SENP6: variants seen among roughly 807,000 people sequenced by gnomAD.
SENP6 encodes the protein SUMO specific peptidase 6.
SENP6 carries 41 observed loss-of-function variants against 134.5 expected under a neutral mutation model. That is an observed-to-expected ratio of 0.30 (90% CI 0.24 to 0.40). The LOEUF (loss-of-function observed/expected upper bound fraction) is 0.40. Ranked by LOEUF, SENP6 falls within the 10% of genes least tolerant of loss-of-function variation. The pLI is 1.00. For missense variants in SENP6, 1,248 were observed against 1,312.5 expected, an observed-to-expected ratio of 0.95 and a Z score of 0.76; for synonymous variants, 395 against 429.8, an observed-to-expected ratio of 0.92 and a Z score of 1.00.
At chr6:75,700,412 G>C (rs992182446) in intron 18 of SENP6, among the ~76,000 whole-genome samples, 1 of 152,234 alleles carries the variant, frequency 6.6e-6, no homozygotes, top group African/African-American at 2.4e-5. Context: ...GCATAGCTAA[G>C]AAATATTAAG....
intron 2 of SENP6, 74 bp downstream of exon 2, chr6:75,621,699 G>A: frequency 7.9e-6 from 7 of 880,994 alleles, no homozygotes; most frequent in South Asian, 4.9e-5. Flanking sequence ...TCTATTGTAT[G>A]GAAATATTTT....
At chr6:75,652,698 A>AAAAAAAAAAAAAAAAAAAAAAAAAAG (rs1554166656) in intron 7 of SENP6, among the ~76,000 whole-genome samples, 7 of 148,620 alleles carry the variant, frequency 4.7e-5, no homozygotes, top group African/African-American at 1.8e-4. Context: ...AAAAAAAAAA[A>AAAAAAAAAAAAAAAAAAAAAAAAAAG]AAAAAGAAAA....
chr6:75,710,759 C>A (rs1398077350), intron 20 of SENP6, among the ~76,000 whole-genome samples: 1 of 152,032 alleles, frequency 6.6e-6, no homozygotes. Context: ...TCTCAAAGAA[C>A]AACAATGACC....
At chr6:75,668,656 T>G (rs1772434645) in intron 10 of SENP6, among the ~76,000 whole-genome samples, 1 of 152,242 alleles carries the variant, frequency 6.6e-6, no homozygotes, top group Non-Finnish European at 1.5e-5. Flanking sequence ...GAGGGCAGTT[T>G]GGCAGTAATT....
chr6:75,655,184 A>T (rs1771214720), intron 7 of SENP6: 1 of 152,236 alleles, frequency 6.6e-6, no homozygotes, highest in Non-Finnish European at 1.5e-5. Flanking sequence ...TTTGGAAGGG[A>T]TGCGCATGGA....
At chr6:75,605,690 G>C (rs944657104) in intron 1 of SENP6, among the ~76,000 whole-genome samples, 2 of 152,136 alleles carry the variant, frequency 1.3e-5, no homozygotes, top group African/African-American at 4.8e-5. Flanking sequence ...TGAGAGGCAG[G>C]AGATCTTTCA....
At chr6:75,710,104 A>G (rs759393039) in intron 20 of SENP6, among the ~76,000 whole-genome samples, 2 of 152,174 alleles carry the variant, frequency 1.3e-5, no homozygotes, top group Non-Finnish European at 2.9e-5. Context: ...CTGACTTGAC[A>G]TTCAAGAAGC....
chr6:75,646,207 C>T (rs147488158), intron 6 of SENP6, among the ~76,000 whole-genome samples: 752 of 152,256 alleles, frequency 4.9e-3, no homozygotes, highest in Non-Finnish European at 8.0e-3. Flanking sequence ...TAAAAACCTA[C>T]CTTCTTTCTT....
chr6:75,674,105 T>C (rs1048573999), intron 11 of SENP6, among the ~76,000 whole-genome samples: 1 of 151,390 alleles, frequency 6.6e-6, no homozygotes, highest in African/African-American at 2.4e-5. Flanking sequence ...AAACATATAA[T>C]GTCAACATCC....
chr6:75,621,520 T>A lies in SENP6; in HGVS notation c.53-12T>A, dbSNP rs756279620. On this transcript the variant is annotated splice_polypyrimidine_tract_variant and intron_variant, in intron 1 of 23. Coordinates refer to ENST00000447266, the MANE Select transcript of SENP6 (RefSeq NM_015571.4). The stretch of plus-strand genomic sequence containing the variant: ...ATTAATGAATACTTACTGCAGTTTG[T>A]TTTTATTTCAGCTTTGGCTAGATCA... The A allele has an allele frequency of 3.9e-6, 6 of 1,556,630 alleles. No individual in the cohort carries two copies.
In SENP6 at chr6:75,640,684, C is replaced by A; in HGVS notation, c.459C>A (p.Ser153Arg). The A allele has an allele frequency of 6.6e-7, 1 of 1,523,716 alleles. No homozygotes were observed. Among genetic ancestry groups the A allele is most frequent in the Non-Finnish European group, 8.9e-7 (1 of 1,129,024 alleles). 94.4% of individuals were successfully genotyped at this position (1,523,716 alleles called of 1,614,324 possible). The change falls in exon 6 of 24, where the codon AGC becomes AGA. Residue 153 changes from serine (S) to arginine (R), a missense_variant and splice_region_variant. Physicochemically the swap from Ser to Arg is moderately radical, Grantham distance 110. This residue lies in a region of SENP6 where 733 missense variants were observed against 725.4 expected (regional missense o/e 1.01). Transcript: ENST00000447266. ...QIPVVKTAAQ[S>R]SLDRKERKEY... ...TTTTTTTTCTTTTTCATGTTTTAAGCAGTCTGGACCGAAAAGAAAGGTAAG... is the reference window on the plus strand; with the variant it reads ...TTTTTTTTCTTTTTCATGTTTTAAGAAGTCTGGACCGAAAAGAAAGGTAAG...
rs1345706959 is a variant in SENP6, at chr6:75,703,027, G to A, written c.2671G>A (p.Glu891Lys). 6.2e-7 allele frequency: 1 copy of A among 1,613,094 alleles called. No homozygotes were observed. The highest frequency in any genetic ancestry group is 1.1e-5 in the South Asian group (1 of 90,816). Residue 891 changes from glutamate to lysine, a missense_variant, in exon 19 of 24, where the codon GAG (glutamate) becomes AAG (lysine). By Grantham distance (56) the Glu-to-Lys change is moderately conservative. Transcript: ENST00000447266. ...SQKVADRTKS[E>K]NGLQNESLSS... is the part of the protein sequence containing the mutation. ...GAAAGTTGCTGATAGGACTAAAAGT[G>A]AGAATGGCCTACAGAATGAAAGTTT...
In SENP6 at chr6:75,699,199, C is replaced by T. The variant is rs111779425; in HGVS notation, c.2288+1682C>T. ...ATTATACACGATTTAGGAATAGAGG[C>T]GCATCCCTCTTAGTCACTATACCTC... On this transcript the variant is annotated intron_variant, in intron 18 of 23. Transcript: ENST00000447266. Among the ~76,000 whole-genome samples the T allele has an allele frequency of 9.5e-3, 1,440 of 151,020 alleles. 11 individuals carry two copies. Among genetic ancestry groups the T allele is most frequent in the Non-Finnish European group, 0.015 (1,013 of 67,930 alleles).
At position 75,654,768 on chromosome 6, in the gene SENP6, G is replaced by T. The variant is rs570684999; in HGVS notation, c.551-4494G>T. On this transcript the variant is annotated intron_variant, in intron 7 of 23. Coordinates refer to ENST00000447266, the MANE Select transcript of SENP6 (RefSeq NM_015571.4). ...CACAACTAAAATCTCAAATAAGAAA[G>T]TTAAGCCTCTTCCTTACCCTGCTTC... Among the ~76,000 whole-genome samples, 3 of 152,268 alleles carry T rather than the reference G, an allele frequency of 2.0e-5. No individual in the cohort carries two copies. In the South Asian group the frequency reaches 6.2e-4, roughly 32 times the overall value.
intron 4 of SENP6, among the ~76,000 whole-genome samples, chr6:75,634,066 GA>G (rs1769320704): frequency 6.6e-6 from 1 of 152,126 alleles, no homozygotes; most frequent in Non-Finnish European, 1.5e-5. Flanking sequence ...TACTAATCAG[GA>G]TTGTCTCAAT....
At chr6:75,707,355 C>CTTTTTTTTTTTTT (rs10564996) in intron 19 of SENP6, among the ~76,000 whole-genome samples, 6 of 74,692 alleles carry the variant, frequency 8.0e-5, no homozygotes, top group African/African-American at 1.0e-4. Context: ...TCTTCTTCTT[C>CTTTTTTTTTTTTT]TTTTTTTTTT....
chr6:75,639,941 C>G (rs1255438998), intron 5 of SENP6, among the ~76,000 whole-genome samples: 1 of 152,114 alleles, frequency 6.6e-6, no homozygotes, highest in Non-Finnish European at 1.5e-5. Flanking sequence ...AAGACTATTT[C>G]TGTAACAACA....
In SENP6 at chr6:75,675,467, C is replaced by CCTA; in HGVS notation, c.1425_1426insCTA (p.Asp475_Glu476insLeu). The CCTA allele has an allele frequency of 1.4e-6, 2 of 1,444,432 alleles. No homozygotes were observed. Among genetic ancestry groups the CCTA allele is most frequent in the Non-Finnish European group, 1.9e-6 (2 of 1,050,732 alleles). 89.5% of individuals were successfully genotyped at this position (1,444,432 alleles called of 1,614,324 possible). A position where few individuals can be genotyped will look rare whatever the true frequency, so the allele number is the denominator to read the frequency against. On this transcript the variant is annotated inframe_insertion and splice_region_variant, in exon 12 of 24. Transcript: ENST00000447266. ...TAGATTTTATCAAGATACAGCTAGA[C>CCTA]GGTAAGCTATTTTATGTCTTTTTAC... is the stretch of plus-strand genomic sequence containing the variant.
intron 19 of SENP6, among the ~76,000 whole-genome samples, chr6:75,708,032 T>G (rs530838137): frequency 9.9e-5 from 15 of 152,202 alleles, no homozygotes; most frequent in Non-Finnish European, 2.1e-4. Context: ...AGTGTGCTTC[T>G]GAACACAAGA....
Sources: gnomAD v4.1 joint callset for allele counts (sites outside exome capture counted in the v4.1 genomes callset) on GRCh38, gnomAD v4.1.1 for gene constraint, gnomAD v4.1.1 regional missense constraint, MANE v1.5 for transcripts, NCBI Gene and HGNC (gene_info 2026-07-23, HGNC 2026-07-21) for gene names.